Variants in KBTBD3 observed in about 807,000 individuals in gnomAD.
KBTBD3 encodes the protein kelch repeat and BTB domain containing 3.
Under a neutral mutation model 49.6 loss-of-function variants are expected in KBTBD3, and 38 were observed. The observed-to-expected ratio is 0.77, with a 90% CI of 0.59 to 1.00. KBTBD3 has a LOEUF of 1.00. KBTBD3 is among the 50% of genes least tolerant of loss of function. The probability of loss-of-function intolerance (pLI) is 0.00; values close to 1 mark genes in which losing one functional copy is unlikely to be tolerated. For missense variants in KBTBD3, 661 were observed against 712.0 expected (o/e 0.93, Z 0.81); for synonymous variants, 214 against 250.4 (o/e 0.85, Z 1.37).
chr11:106,061,407 G>C (rs541067072), intron 2 of KBTBD3, among the ~76,000 whole-genome samples: 1 of 152,292 alleles, frequency 6.6e-6, no homozygotes, highest in East Asian at 1.9e-4. Context: ...ACATTTAAGT[G>C]GTCAGTCATA....
In KBTBD3 at chr11:106,053,695, A is replaced by G. The variant is rs1256008274; in HGVS notation, c.994T>C (p.Leu332=). The G allele has an allele frequency of 6.2e-7, 1 of 1,613,608 alleles. No individual in the cohort carries two copies. The highest frequency in any genetic ancestry group is 8.5e-7 in the Non-Finnish European group (1 of 1,179,910). The change falls in exon 4 of 4, where the codon TTG becomes CTG. Residue 332 remains leucine, a synonymous_variant. Transcript: ENST00000531837. ...KILPQSHLID[L]PGSSLSSYGE... Reference sequence around the variant, plus strand: ...TAACTCGAAAGACTAGATCCTGGCAAATCAATCAGGTGTGATTGCGGCAGT... The same window carrying G: ...TAACTCGAAAGACTAGATCCTGGCAGATCAATCAGGTGTGATTGCGGCAGT...
intron 2 of KBTBD3, among the ~76,000 whole-genome samples, chr11:106,063,296 G>A (rs1860740244): frequency 6.6e-6 from 1 of 152,216 alleles, no homozygotes; most frequent in Non-Finnish European, 1.5e-5. Flanking sequence ...TAGTCAATCA[G>A]GTAATTTCTC....
chr11:106,058,897 A>C lies in KBTBD3; in HGVS notation c.201T>G (p.Arg67=). 1.3e-6 allele frequency: 2 copies of C among 1,575,758 alleles called. No individual in the cohort carries two copies. Among genetic ancestry groups the C allele is most frequent in the Non-Finnish European group, 1.7e-6 (2 of 1,167,822 alleles). ...IMKDEIIPCH[R]CVLAACSDFF... ...AGTCACTGCATGCTGCTAACACACA[A>C]CGATGACACGGGATTATTTCATCTT... Residue 67 remains arginine, a synonymous_variant, in exon 3 of 4, where the codon CGT becomes CGG. Coordinates refer to ENST00000531837, the MANE Select transcript of KBTBD3 (RefSeq NM_198439.3).
Position 106,053,575 on chromosome 11 carries a change from G to A in KBTBD3, c.1114C>T (p.Gln372Ter). Residue 372 changes from glutamine (Q) to a stop codon, truncating the protein, a stop_gained, in exon 4 of 4, where the codon CAA (glutamine) becomes TAA (stop). Coordinates refer to ENST00000531837, the MANE Select transcript of KBTBD3 (RefSeq NM_198439.3). LOFTEE classifies it high-confidence loss of function. ...IAESYHDATD[Q>*]TWCYCPVKND... ...TTCACTGGACAGTAGCACCAGGTTT[G>A]ATCAGTGGCATCATGATATGACTCG... 1.9e-6 allele frequency: 3 copies of A among 1,613,768 alleles called. No individual in the cohort carries two copies.
rs552781179 is a variant in KBTBD3, at chr11:106,057,103, A to G, written c.233+1762T>C. On this transcript the variant is annotated intron_variant, in intron 3 of 3. Coordinates refer to ENST00000531837, the MANE Select transcript of KBTBD3 (RefSeq NM_198439.3). Reference sequence around the variant, plus strand: ...GTAAACTGTGCTGCAGTACTAAGCCATTGCTCCCAATTTCAAAGCAAGAGC... The same window carrying G: ...GTAAACTGTGCTGCAGTACTAAGCCGTTGCTCCCAATTTCAAAGCAAGAGC... Among the ~76,000 whole-genome samples, 3 of 152,324 alleles carry G rather than the reference A, an allele frequency of 2.0e-5. No individual in the cohort carries two copies. The South Asian group carries it at 6.2e-4, about 32-fold the overall frequency.
intron 2 of KBTBD3, among the ~76,000 whole-genome samples, chr11:106,075,251 AT>A (rs1861004582): frequency 6.6e-6 from 1 of 152,204 alleles, no homozygotes; most frequent in East Asian, 1.9e-4. Flanking sequence ...TTTTAATAAA[AT>A]TGTTGGGTTC....
chr11:106,065,637 G>A (rs1036185871), intron 2 of KBTBD3, among the ~76,000 whole-genome samples: 6 of 152,058 alleles, frequency 3.9e-5, no homozygotes, highest in African/African-American at 1.2e-4. Context: ...TGGAAATAAT[G>A]GGCACAATTT....
chr11:106,058,103 G>C (rs966126329), intron 3 of KBTBD3: 10 of 395,336 alleles, frequency 2.5e-5, no homozygotes, highest in Non-Finnish European at 4.5e-5. Context: ...AAAAAATCAC[G>C]GCCCAGCGCA....
rs1231637000 is a variant in KBTBD3 at position 106,052,138 on chromosome 11, T to C, written c.*712A>G. On this transcript the variant is annotated 3_prime_UTR_variant, in exon 4 of 4. Coordinates refer to ENST00000531837, the MANE Select transcript of KBTBD3 (RefSeq NM_198439.3). Reference sequence around the variant, plus strand: ...AGAACTACTAATTAAATCCAGAATGTTAATTTACTAAGATTGAACCAGAAA... The same window carrying C: ...AGAACTACTAATTAAATCCAGAATGCTAATTTACTAAGATTGAACCAGAAA... 1 of 151,708 alleles carries C rather than the reference T, an allele frequency of 6.6e-6. No individual in the cohort carries two copies. Among genetic ancestry groups the C allele is most frequent in the African/African-American group, 2.4e-5 (1 of 41,348 alleles). The allele number at this position is 151,708 out of a possible 1,614,324, so 9.4% of individuals were successfully genotyped here.
In KBTBD3 at chr11:106,054,198, T is replaced by C. The variant is rs746154470; in HGVS notation, c.491A>G (p.Tyr164Cys). 6.8e-6 allele frequency: 11 copies of C among 1,612,856 alleles called. No homozygotes were observed. Among genetic ancestry groups the C allele is most frequent in the Middle Eastern group, 1.6e-4 (1 of 6,078 alleles). The change falls in exon 4 of 4, where the codon TAT (tyrosine) becomes TGT (cysteine). Residue 164 changes from tyrosine (Y) to cysteine (C), a missense_variant. Transcript: ENST00000531837. ...ATGATCAAACAAACTGGTGGAGCCA[T>C]AGCTATCTGATATAGATAATAACTG... is the stretch of plus-strand genomic sequence containing the variant. ...CLQLLSISDS[Y>C]GSTSLFDHAL...
intron 2 of KBTBD3, among the ~76,000 whole-genome samples, chr11:106,070,687 T>C (rs1197927658): frequency 1.3e-5 from 2 of 152,056 alleles, no homozygotes; most frequent in Non-Finnish European, 1.5e-5. Context: ...AACATACACA[T>C]ACCATATTAC....
intron 3 of KBTBD3, among the ~76,000 whole-genome samples, chr11:106,055,144 G>A (rs1455602798): frequency 6.6e-6 from 1 of 152,138 alleles, no homozygotes; most frequent in Non-Finnish European, 1.5e-5. Flanking sequence ...TGAATAATTA[G>A]ACCAGCTTGA....
chr11:106,052,833 G>C lies in KBTBD3; in HGVS notation c.*17C>G. The C allele has an allele frequency of 6.3e-7, 1 of 1,582,802 alleles. No homozygotes were observed. On this transcript the variant is annotated 3_prime_UTR_variant, in exon 4 of 4. Coordinates refer to ENST00000531837, the MANE Select transcript of KBTBD3 (RefSeq NM_198439.3). Reference sequence around the variant, plus strand: ...AATTTACTTTAGGTTACTAGAACTGGACTCGTTTTAGAATGTTCAAGCACA... The same window carrying C: ...AATTTACTTTAGGTTACTAGAACTGCACTCGTTTTAGAATGTTCAAGCACA...
In KBTBD3 at chr11:106,054,152, A is replaced by T; in HGVS notation, c.537T>A (p.His179Gln). Residue 179 changes from histidine to glutamine, a missense_variant, in exon 4 of 4, where the codon CAT (histidine) becomes CAA (glutamine). Transcript: ENST00000531837. ...TGGATTTAAATAATAAAGAAAAGTG[A>T]TGTTGTACAAAGTGTAATGCATGAT... Reference protein sequence around the residue: ...LFDHALHFVQHHFSLLFKSSD... With the variant: ...LFDHALHFVQQHFSLLFKSSD... 6 of 1,613,104 alleles carry T rather than the reference A, an allele frequency of 3.7e-6. No individual in the cohort carries two copies. The highest frequency in any genetic ancestry group is 1.7e-4 in the Middle Eastern group (1 of 6,052).
chr11:106,058,879 G>A lies in KBTBD3; in HGVS notation c.219C>T (p.Cys73=). 6.4e-7 allele frequency: 1 copy of A among 1,567,650 alleles called. No individual in the cohort carries two copies. The highest frequency in any genetic ancestry group is 8.6e-7 in the Non-Finnish European group (1 of 1,161,394). ...IPCHRCVLAA[C]SDFFRAMFEV... ...AGGTAAAGTACCTGAAAAAGTCACT[G>A]CATGCTGCTAACACACAACGATGAC... is the stretch of plus-strand genomic sequence containing the variant. Residue 73 remains cysteine, a synonymous_variant, in exon 3 of 4, where the codon TGC becomes TGT. Coordinates refer to ENST00000531837, the MANE Select transcript of KBTBD3 (RefSeq NM_198439.3).
chr11:106,058,312 C>T (rs1033172264), intron 3 of KBTBD3, among the ~76,000 whole-genome samples: 4 of 150,318 alleles, frequency 2.7e-5, no homozygotes, highest in African/African-American at 9.8e-5. Flanking sequence ...AGCCGGGAGG[C>T]GGAGCTTGCA....
At chr11:106,072,018 GAC>G (rs1200219506) in intron 2 of KBTBD3, among the ~76,000 whole-genome samples, 1 of 152,156 alleles carries the variant, frequency 6.6e-6, no homozygotes, top group African/African-American at 2.4e-5. Context: ...TTGATTTTAA[GAC>G]ACAAATTTTT....
At chr11:106,054,799 T>G (rs1401801877) in intron 3 of KBTBD3, among the ~76,000 whole-genome samples, 4 of 152,140 alleles carry the variant, frequency 2.6e-5, no homozygotes, top group South Asian at 2.1e-4. Flanking sequence ...ATGGATTAAT[T>G]AGTAACAGCT....
In KBTBD3 at chr11:106,052,350, A is replaced by G. The variant is rs1178074535; in HGVS notation, c.*500T>C. The G allele has an allele frequency of 6.5e-6, 1 of 152,692 alleles. No individual in the cohort carries two copies. The highest frequency in any genetic ancestry group is 1.5e-5 in the Non-Finnish European group (1 of 68,440). 9.5% of individuals were successfully genotyped at this position (152,692 alleles called of 1,614,324 possible). A position where few individuals can be genotyped will look rare whatever the true frequency, so the allele number is the denominator to read the frequency against. ...ACTATGTTTAGTGTACTATTTATAA[A>G]GCTGGGAGAATTATTTCTGAACTAA... On this transcript the variant is annotated 3_prime_UTR_variant, in exon 4 of 4. Coordinates refer to ENST00000531837, the MANE Select transcript of KBTBD3 (RefSeq NM_198439.3).
Sources: allele counts gnomAD v4.1 joint callset (sites outside exome capture counted in the v4.1 genomes callset), GRCh38; gene constraint gnomAD v4.1.1; transcripts MANE v1.5; gene names NCBI Gene and HGNC (gene_info 2026-07-23, HGNC 2026-07-21).